PHF11: variants seen among roughly 807,000 people sequenced by gnomAD.
The protein encoded by PHF11 is PHD finger protein 11.
In PHF11, 38 loss-of-function variants were observed where a neutral mutation model predicts 40.5. The observed-to-expected ratio is 0.94, with a 90% CI of 0.72 to 1.23. The LOEUF (loss-of-function observed/expected upper bound fraction) is 1.23, where lower values mean the gene tolerates loss of function less well. Ranked by LOEUF, PHF11 falls within the 50% of genes most tolerant of loss-of-function variation. The pLI is 0.00. For synonymous variants in PHF11, 127 were observed against 138.2 expected, an observed-to-expected ratio of 0.92 and a Z score of 0.57; for missense variants, 369 against 392.4, an observed-to-expected ratio of 0.94 and a Z score of 0.50.
intron 2 of PHF11, among the ~76,000 whole-genome samples, chr13:49,508,220 T>C (rs1359805676): frequency 2.7e-5 from 4 of 147,578 alleles, no homozygotes; most frequent in Non-Finnish European, 6.0e-5. Flanking sequence ...TGTTATGTAT[T>C]AATATATTAT....
intron 3 of PHF11, among the ~76,000 whole-genome samples, chr13:49,514,779 AG>A (rs1959130047): frequency 6.9e-6 from 1 of 145,360 alleles, no homozygotes; most frequent in African/African-American, 2.6e-5. Context: ...AAAAAAAAAG[AG>A]TGTGTGGATC....
intron 4 of PHF11, among the ~76,000 whole-genome samples, chr13:49,520,282 C>T (rs991715141): frequency 6.6e-6 from 1 of 152,104 alleles, no homozygotes; most frequent in Non-Finnish European, 1.5e-5. Context: ...CTCTTGACCT[C>T]GTGATCTGCC....
At chr13:49,526,579 T>A in intron 9 of PHF11, 121 bp downstream of exon 9, 1 of 693,090 alleles carries the variant, frequency 1.4e-6, no homozygotes, top group Non-Finnish European at 2.5e-6. Context: ...TTTTCTTAAA[T>A]GAGAAAAGCC....
At chr13:49,523,263 T>G (rs1390250664) in intron 7 of PHF11, 22 bp downstream of exon 7, 1 of 1,531,594 alleles carries the variant, frequency 6.5e-7, no homozygotes, top group African/African-American at 1.4e-5. Flanking sequence ...GTGTTGTCTG[T>G]AACAAATATG....
chr13:49,500,115 G>A (rs1958879586), intron 1 of PHF11, among the ~76,000 whole-genome samples: 1 of 152,194 alleles, frequency 6.6e-6, no homozygotes, highest in African/African-American at 2.4e-5. Flanking sequence ...CCAGGCTTGT[G>A]ATCTTTCTGT....
intron 7 of PHF11, chr13:49,523,461 A>G: frequency 1.8e-6 from 1 of 542,590 alleles, no homozygotes; most frequent in South Asian, 2.4e-5. Context: ...TATTAAGAAA[A>G]GATAGACTTC....
At chr13:49,524,290 GA>G (rs79548641) in intron 8 of PHF11, 74 bp downstream of exon 8, 20,825 of 762,302 alleles carry the variant, frequency 0.027, 1 homozygote, top group South Asian at 0.037. Context: ...ACAAACCCAA[GA>G]AAAAAAAAAA....
At chr13:49,499,642 T>C (rs1958873809) in intron 1 of PHF11, among the ~76,000 whole-genome samples, 1 of 152,264 alleles carries the variant, frequency 6.6e-6, no homozygotes, top group Non-Finnish European at 1.5e-5. Flanking sequence ...AGGTAATGTC[T>C]ACTGTTTTGG....
intron 1 of PHF11, among the ~76,000 whole-genome samples, chr13:49,502,408 G>T (rs190872406): frequency 2.0e-5 from 3 of 152,154 alleles, no homozygotes; most frequent in Non-Finnish European, 4.4e-5. Flanking sequence ...TAAAATAAAT[G>T]ATTGTTGTAA....
At chr13:49,520,763 CA>C (rs200207713) in intron 4 of PHF11, 130 bp from the exon 5 acceptor site, 6,320 of 503,528 alleles carry the variant, frequency 0.013, no homozygotes, top group South Asian at 0.019. Context: ...CACAGGGCTT[CA>C]AAAAAAAAAA....
At chr13:49,526,077 G>A (rs533846561) in intron 8 of PHF11, 14 of 344,148 alleles carry the variant, frequency 4.1e-5, no homozygotes, top group Admixed American at 2.2e-4. Flanking sequence ...GCTGAGACAT[G>A]AGAATCGCTT....
intron 1 of PHF11, among the ~76,000 whole-genome samples, chr13:49,506,003 T>G (rs1005002337): frequency 6.6e-6 from 1 of 152,164 alleles, no homozygotes; most frequent in Non-Finnish European, 1.5e-5. Context: ...TCATTTGTAG[T>G]GACAATAATG....
Position 49,508,794 on chromosome 13 carries a change from C to T in PHF11, c.216+2038C>T, listed in dbSNP as rs559476498. Among the ~76,000 whole-genome samples, 4 of 152,174 alleles carry T rather than the reference C, an allele frequency of 2.6e-5. No homozygotes were observed. In the East Asian group the frequency reaches 7.7e-4, roughly 29 times the overall value. ...CTCTTTTTCTTGTGTTTTTCCAGAA[C>T]ATTCAATTATAGCGGTGATTACAAG... On this transcript the variant is annotated intron_variant, in intron 2 of 9. Coordinates refer to ENST00000378319, the MANE Select transcript of PHF11 (RefSeq NM_001040443.3).
At chr13:49,514,107 C>A (rs1426325333) in intron 3 of PHF11, among the ~76,000 whole-genome samples, 1 of 152,200 alleles carries the variant, frequency 6.6e-6, no homozygotes, top group Admixed American at 6.5e-5. Context: ...GCTGAGAAGT[C>A]ATTCCACTGG....
intron 3 of PHF11, among the ~76,000 whole-genome samples, chr13:49,515,458 AC>A (rs1959139324): frequency 1.4e-4 from 2 of 14,000 alleles, no homozygotes; most frequent in Non-Finnish European, 2.2e-4. Flanking sequence ...TCTCCTATAC[AC>A]ACACACACAC....
intron 1 of PHF11, among the ~76,000 whole-genome samples, chr13:49,500,861 G>A (rs1958890046): frequency 6.6e-6 from 1 of 152,142 alleles, no homozygotes; most frequent in Non-Finnish European, 1.5e-5. Flanking sequence ...GCTCAGCTCA[G>A]GTATCAGTGA....
intron 1 of PHF11, among the ~76,000 whole-genome samples, chr13:49,503,018 C>T (rs555992306): frequency 1.5e-4 from 23 of 152,242 alleles, no homozygotes; most frequent in Non-Finnish European, 3.2e-4. Context: ...GCACCGTGCC[C>T]GACCAAGATT....
intron 1 of PHF11, among the ~76,000 whole-genome samples, chr13:49,502,424 T>C (rs1958921859): frequency 6.6e-6 from 1 of 152,210 alleles, no homozygotes; most frequent in Non-Finnish European, 1.5e-5. Context: ...TGTAATTTCA[T>C]CAAGTAAAAC....
intron 1 of PHF11, among the ~76,000 whole-genome samples, chr13:49,497,869 C>T (rs1958838583): frequency 6.6e-6 from 1 of 152,192 alleles, no homozygotes; most frequent in African/African-American, 2.4e-5. Flanking sequence ...CTATTCTCTG[C>T]AAGGAAAACT....
Sources: gnomAD v4.1 joint callset for allele counts (sites outside exome capture counted in the v4.1 genomes callset) on GRCh38, gnomAD v4.1.1 for gene constraint, MANE v1.5 for transcripts, NCBI Gene and HGNC (gene_info 2026-07-23, HGNC 2026-07-21) for gene names.